The following NLRP2B variants were observed in gnomAD, a reference collection of about 807,000 sequenced individuals.
The protein encoded by NLRP2B is NLR family pyrin domain-containing protein 2B.
For missense variants in NLRP2B, 25 were observed against 6.8 expected, an observed-to-expected ratio of 3.70 and a Z score of -3.00; for synonymous variants, 16 against 3.5, an observed-to-expected ratio of 4.63 and a Z score of -4.03.
Position 57,677,111 on chromosome X carries a change from A to C in NLRP2B, c.*3012T>G, listed in dbSNP as rs1396381798. Reference sequence around the variant, plus strand: ...GAAAGCCTTTTTTCCCCCCCAAAGGATCATGTTTCTCAGTTATCAGCAGGC... The same window carrying C: ...GAAAGCCTTTTTTCCCCCCCAAAGGCTCATGTTTCTCAGTTATCAGCAGGC... On this transcript the variant is annotated 3_prime_UTR_variant, in exon 1 of 1. Transcript: ENST00000434992. The C allele has an allele frequency of 1.1e-5, 3 of 282,910 alleles. No individual in the cohort carries two copies. Among genetic ancestry groups the C allele is most frequent in the Non-Finnish European group, 1.3e-5 (2 of 150,123 alleles). The allele number at this position is 282,910 out of a possible 1,213,427, so 23.3% of individuals were successfully genotyped here. A position where few individuals can be genotyped will look rare whatever the true frequency, so the allele number is the denominator to read the frequency against.
Position 57,678,715 on chromosome X carries a change from TC to T in NLRP2B, c.*1407del. The T allele has an allele frequency of 2.5e-6, 1 of 402,247 alleles. No individual in the cohort carries two copies. Among genetic ancestry groups the T allele is most frequent in the African/African-American group, 2.5e-5 (1 of 40,381 alleles). The allele number at this position is 402,247 out of a possible 1,213,427, so 33.1% of individuals were successfully genotyped here. A position where few individuals can be genotyped will look rare whatever the true frequency, so the allele number is the denominator to read the frequency against. On this transcript the variant is annotated 3_prime_UTR_variant, in exon 1 of 1. Coordinates refer to ENST00000434992, the MANE Select transcript of NLRP2B (RefSeq NM_001319967.1). ...CTTGTCCTCCTCCTCCTCCTCCTCC[TC>T]CTTCTCCAGGGCGTGGAACAGCACA...
Position 57,679,235 on chromosome X carries a change from G to A in NLRP2B, c.*888C>T, listed in dbSNP as rs753653584. Reference sequence around the variant, plus strand: ...TCGGCCGCTCCACCAACAGCCGGAGGTCTCTCAGGGCCCGCAGGCCACGTG... The same window carrying A: ...TCGGCCGCTCCACCAACAGCCGGAGATCTCTCAGGGCCCGCAGGCCACGTG... On this transcript the variant is annotated 3_prime_UTR_variant, in exon 1 of 1. Coordinates refer to ENST00000434992, the MANE Select transcript of NLRP2B (RefSeq NM_001319967.1). The A allele has an allele frequency of 2.4e-5, 11 of 452,020 alleles. No homozygotes were observed. Among genetic ancestry groups the A allele is most frequent in the African/African-American group, 1.9e-4 (8 of 41,617 alleles). 37.3% of individuals were successfully genotyped at this position (452,020 alleles called of 1,213,427 possible).
Position 57,677,671 on chromosome X carries a change from A to G in NLRP2B, c.*2452T>C, listed in dbSNP as rs1343722632. 5.9e-6 allele frequency: 2 copies of G among 340,856 alleles called. No individual in the cohort carries two copies. The highest frequency in any genetic ancestry group is 6.7e-5 in the Admixed American group (2 of 29,635). 28.1% of individuals were successfully genotyped at this position (340,856 alleles called of 1,213,427 possible). On this transcript the variant is annotated 3_prime_UTR_variant, in exon 1 of 1. Coordinates refer to ENST00000434992, the MANE Select transcript of NLRP2B (RefSeq NM_001319967.1). ...GTGTGTCAGCTCCCCGCTGACAACCAAAACAGCAGCAAAGTTCTTGCAATT... is the reference window on the plus strand; with the variant it reads ...GTGTGTCAGCTCCCCGCTGACAACCGAAACAGCAGCAAAGTTCTTGCAATT...
rs145979100 is a variant in NLRP2B, at chrX:57,677,538, G to A, written c.*2585C>T. The A allele has an allele frequency of 1.4e-3, 457 of 316,016 alleles. No homozygotes were observed. The highest frequency in any genetic ancestry group is 0.01 in the African/African-American group (375 of 37,329). 26.0% of individuals were successfully genotyped at this position (316,016 alleles called of 1,213,427 possible). A position where few individuals can be genotyped will look rare whatever the true frequency, so the allele number is the denominator to read the frequency against. On this transcript the variant is annotated 3_prime_UTR_variant, in exon 1 of 1. Transcript: ENST00000434992. The stretch of plus-strand genomic sequence containing the variant: ...AACAGCAGCCATTGCTAGTTATGTC[G>A]CAGTCCCACAGCACCAGGGTCTGTA...
At position 57,678,186 on chromosome X, in the gene NLRP2B, A is replaced by G. The variant is rs774387975; in HGVS notation, c.*1937T>C. 19 of 517,463 alleles carry G rather than the reference A, an allele frequency of 3.7e-5. No homozygotes were observed. Among genetic ancestry groups the G allele is most frequent in the African/African-American group, 3.7e-4 (16 of 43,730 alleles). 42.6% of individuals were successfully genotyped at this position (517,463 alleles called of 1,213,427 possible). ...GATCCTTATTTGAGCCAAATATGGA[A>G]CAAAGGTCGGTCCAGAAAGGAAGCA... On this transcript the variant is annotated 3_prime_UTR_variant, in exon 1 of 1. Transcript: ENST00000434992.
At position 57,679,530 on chromosome X, in the gene NLRP2B, G is replaced by A; in HGVS notation, c.*593C>T. On this transcript the variant is annotated 3_prime_UTR_variant, in exon 1 of 1. Coordinates refer to ENST00000434992, the MANE Select transcript of NLRP2B (RefSeq NM_001319967.1). ...CCAGGCAGATGAGCTCCTTGCAGGT[G>A]AGGTAGAAAGCCTATCTAAATTTCT... 1.6e-6 allele frequency: 1 copy of A among 640,978 alleles called. No homozygotes were observed. Among genetic ancestry groups the A allele is most frequent in the Non-Finnish European group, 2.6e-6 (1 of 388,441 alleles). The allele number at this position is 640,978 out of a possible 1,213,427, so 52.8% of individuals were successfully genotyped here.
Position 57,679,580 on chromosome X carries a change from C to A in NLRP2B, c.*543G>T. ...TGGCTGAGGTTGTCCTCTGCCCAGT[C>A]CAGCATTAATTTCTTGGCCAGCGTG... On this transcript the variant is annotated 3_prime_UTR_variant, in exon 1 of 1. Transcript: ENST00000434992. The A allele has an allele frequency of 3.8e-6, 2 of 523,225 alleles. No individual in the cohort carries two copies. Among genetic ancestry groups the A allele is most frequent in the Non-Finnish European group, 6.7e-6 (2 of 297,628 alleles). The allele number at this position is 523,225 out of a possible 1,213,427, so 43.1% of individuals were successfully genotyped here.
chrX:57,679,556 G>A lies in NLRP2B; in HGVS notation c.*567C>T, dbSNP rs1190234227. 3.4e-6 allele frequency: 2 copies of A among 581,200 alleles called. No individual in the cohort carries two copies. The highest frequency in any genetic ancestry group is 2.2e-5 in the African/African-American group (1 of 44,608). The allele number at this position is 581,200 out of a possible 1,213,427, so 47.9% of individuals were successfully genotyped here. On this transcript the variant is annotated 3_prime_UTR_variant, in exon 1 of 1. Transcript: ENST00000434992. ...AGGTAGAAAGCCTATCTAAATTTCT[G>A]GCTGAGGTTGTCCTCTGCCCAGTCC...
At position 57,679,015 on chromosome X, in the gene NLRP2B, C is replaced by G; in HGVS notation, c.*1108G>C. 2.4e-6 allele frequency: 1 copy of G among 424,396 alleles called. No homozygotes were observed. The highest frequency in any genetic ancestry group is 3.0e-5 in the South Asian group (1 of 33,384). 35.0% of individuals were successfully genotyped at this position (424,396 alleles called of 1,213,427 possible). A position where few individuals can be genotyped will look rare whatever the true frequency, so the allele number is the denominator to read the frequency against. On this transcript the variant is annotated 3_prime_UTR_variant, in exon 1 of 1. Transcript: ENST00000434992. ...CAGCCCCGTGCGGGTGGGGCGGGTC[C>G]TTCCCCTTCTAACCTCTGCAGCTTC...
In NLRP2B at chrX:57,679,847, T is replaced by A; in HGVS notation, c.*276A>T. 1 of 288,301 alleles carries A rather than the reference T, an allele frequency of 3.5e-6. No individual in the cohort carries two copies. The highest frequency in any genetic ancestry group is 6.0e-6 in the Non-Finnish European group (1 of 166,457). 23.8% of individuals were successfully genotyped at this position (288,301 alleles called of 1,213,427 possible). A position where few individuals can be genotyped will look rare whatever the true frequency, so the allele number is the denominator to read the frequency against. On this transcript the variant is annotated 3_prime_UTR_variant, in exon 1 of 1. Coordinates refer to ENST00000434992, the MANE Select transcript of NLRP2B (RefSeq NM_001319967.1). ...ACTTCTTTAGCTTCTCTTAGGCTGGTGACATCTTCCTCCGTTTCTATAAAC... is the reference window on the plus strand; with the variant it reads ...ACTTCTTTAGCTTCTCTTAGGCTGGAGACATCTTCCTCCGTTTCTATAAAC...
rs1226086844 is a variant in NLRP2B, at chrX:57,678,483, C to CT, written c.*1639dup. On this transcript the variant is annotated 3_prime_UTR_variant, in exon 1 of 1. Coordinates refer to ENST00000434992, the MANE Select transcript of NLRP2B (RefSeq NM_001319967.1). ...GGTTCATCATTGTTGAGTGTCCAAC[C>CT]TTTTCACAATTTATCTCTCATCACA... The CT allele has an allele frequency of 1.9e-6, 1 of 514,681 alleles. No homozygotes were observed. The highest frequency in any genetic ancestry group is 3.6e-5 in the East Asian group (1 of 27,834). 42.4% of individuals were successfully genotyped at this position (514,681 alleles called of 1,213,427 possible).
In NLRP2B at chrX:57,677,233, G is replaced by A. The variant is rs1467525486; in HGVS notation, c.*2890C>T. On this transcript the variant is annotated 3_prime_UTR_variant, in exon 1 of 1. Coordinates refer to ENST00000434992, the MANE Select transcript of NLRP2B (RefSeq NM_001319967.1). The stretch of plus-strand genomic sequence containing the variant: ...CCTGAGTGTCTGGAGGGTGCAATTT[G>A]GATGTGTCAAGGTTTCAAACAGCAT... 1 of 384,289 alleles carries A rather than the reference G, an allele frequency of 2.6e-6. No individual in the cohort carries two copies. Among genetic ancestry groups the A allele is most frequent in the Admixed American group, 2.6e-5 (1 of 39,072 alleles). The allele number at this position is 384,289 out of a possible 1,213,427, so 31.7% of individuals were successfully genotyped here.
Position 57,678,643 on chromosome X carries a change from C to G in NLRP2B, c.*1480G>C. ...GTCGGGGTTCTTGAGTCTTTCTTCT[C>G]TAGAAAACAGCTTCTGCACGTCTCC... On this transcript the variant is annotated 3_prime_UTR_variant, in exon 1 of 1. Transcript: ENST00000434992. The G allele has an allele frequency of 2.3e-6, 1 of 438,238 alleles. No homozygotes were observed. The highest frequency in any genetic ancestry group is 3.0e-5 in the South Asian group (1 of 33,297). 36.1% of individuals were successfully genotyped at this position (438,238 alleles called of 1,213,427 possible).
rs2011740705 is a variant in NLRP2B at position 57,678,990 on chromosome X, C to T, written c.*1133G>A. 2.2e-6 allele frequency: 1 copy of T among 454,338 alleles called. No homozygotes were observed. The highest frequency in any genetic ancestry group is 5.4e-5 in the East Asian group (1 of 18,362). The allele number at this position is 454,338 out of a possible 1,213,427, so 37.4% of individuals were successfully genotyped here. On this transcript the variant is annotated 3_prime_UTR_variant, in exon 1 of 1. Coordinates refer to ENST00000434992, the MANE Select transcript of NLRP2B (RefSeq NM_001319967.1). ...ACCGGCCGCAAAGGAAGCGCAGGAA[C>T]AGCCCCGTGCGGGTGGGGCGGGTCC...
At position 57,679,562 on chromosome X, in the gene NLRP2B, G is replaced by C; in HGVS notation, c.*561C>G. 8.8e-6 allele frequency: 5 copies of C among 567,589 alleles called. No individual in the cohort carries two copies. The East Asian group carries it at 1.7e-4, about 19-fold the overall frequency. 46.8% of individuals were successfully genotyped at this position (567,589 alleles called of 1,213,427 possible). A position where few individuals can be genotyped will look rare whatever the true frequency, so the allele number is the denominator to read the frequency against. ...AAAGCCTATCTAAATTTCTGGCTGAGGTTGTCCTCTGCCCAGTCCAGCATT... is the reference window on the plus strand; with the variant it reads ...AAAGCCTATCTAAATTTCTGGCTGACGTTGTCCTCTGCCCAGTCCAGCATT... On this transcript the variant is annotated 3_prime_UTR_variant, in exon 1 of 1. Transcript: ENST00000434992.
Position 57,677,430 on chromosome X carries a change from C to T in NLRP2B, c.*2693G>A, listed in dbSNP as rs1381576403. Reference sequence around the variant, plus strand: ...GTTTCTTCAAAGCCTCACATAGGAGCTTCACTCCAGTAACTCCTATGTGAT... The same window carrying T: ...GTTTCTTCAAAGCCTCACATAGGAGTTTCACTCCAGTAACTCCTATGTGAT... On this transcript the variant is annotated 3_prime_UTR_variant, in exon 1 of 1. Coordinates refer to ENST00000434992, the MANE Select transcript of NLRP2B (RefSeq NM_001319967.1). 2.1e-4 allele frequency: 72 copies of T among 344,561 alleles called. 2 individuals are homozygous for T. Among genetic ancestry groups the T allele is most frequent in the South Asian group, 2.1e-3 (71 of 34,633 alleles). The allele number at this position is 344,561 out of a possible 1,213,427, so 28.4% of individuals were successfully genotyped here.
rs952282402 is a variant in NLRP2B, at chrX:57,678,319, C to A, written c.*1804G>T. The A allele has an allele frequency of 5.5e-6, 3 of 541,979 alleles. No individual in the cohort carries two copies. The highest frequency in any genetic ancestry group is 1.0e-5 in the Non-Finnish European group (3 of 293,166). 44.7% of individuals were successfully genotyped at this position (541,979 alleles called of 1,213,427 possible). On this transcript the variant is annotated 3_prime_UTR_variant, in exon 1 of 1. Coordinates refer to ENST00000434992, the MANE Select transcript of NLRP2B (RefSeq NM_001319967.1). ...CTGCAGTGGCATTTTCTGCAAGTTTCGACAATGCTTGAGGCAGATTGAAAA... is the reference window on the plus strand; with the variant it reads ...CTGCAGTGGCATTTTCTGCAAGTTTAGACAATGCTTGAGGCAGATTGAAAA...
Position 57,680,125 on chromosome X carries a change from ATG to A in NLRP2B, c.134_135del (p.Thr45IlefsTer6), listed in dbSNP as rs752935790. ...TGCTTCCCATCAGCCTTGTCTACCT[ATG>A]TCTGGGGGATCTTTTGCAGCTCATT... ...LGNELQKIPQ[T>X] On this transcript the variant is annotated frameshift_variant, in exon 1 of 1. Transcript: ENST00000434992. LOFTEE classifies it high-confidence loss of function. 4.7e-4 allele frequency: 210 copies of A among 445,514 alleles called. No homozygotes were observed. Among genetic ancestry groups the A allele is most frequent in the African/African-American group, 4.6e-3 (186 of 40,051 alleles). 36.7% of individuals were successfully genotyped at this position (445,514 alleles called of 1,213,427 possible).
chrX:57,677,417 C>G lies in NLRP2B; in HGVS notation c.*2706G>C. ...AAGTTACACAGTGGTTTCTTCAAAG[C>G]CTCACATAGGAGCTTCACTCCAGTA... On this transcript the variant is annotated 3_prime_UTR_variant, in exon 1 of 1. Coordinates refer to ENST00000434992, the MANE Select transcript of NLRP2B (RefSeq NM_001319967.1). 2.9e-6 allele frequency: 1 copy of G among 348,944 alleles called. No individual in the cohort carries two copies. Among genetic ancestry groups the G allele is most frequent in the South Asian group, 2.9e-5 (1 of 35,046 alleles). 28.8% of individuals were successfully genotyped at this position (348,944 alleles called of 1,213,427 possible). A position where few individuals can be genotyped will look rare whatever the true frequency, so the allele number is the denominator to read the frequency against.
Sources: allele counts gnomAD v4.1 joint callset, GRCh38; gene constraint gnomAD v4.1.1; transcripts MANE v1.5; gene names NCBI Gene and HGNC (gene_info 2026-07-23, HGNC 2026-07-21).